KCND3: variants seen among roughly 807,000 people sequenced by gnomAD.
The protein encoded by KCND3 is potassium voltage-gated channel subfamily D member 3.
Under a neutral mutation model 51.1 loss-of-function variants are expected in KCND3, and 9 were observed. The ratio of observed to expected loss-of-function variants is 0.18; its 90% CI spans 0.11 to 0.31. The LOEUF is 0.31. Ranked by LOEUF, KCND3 falls within the 10% of genes least tolerant of loss-of-function variation. KCND3 has a pLI of 1.00. For missense variants in KCND3, 526 were observed against 903.8 expected (o/e 0.58, Z 5.36); for synonymous variants, 349 against 368.0 (o/e 0.95, Z 0.59).
intron 2 of KCND3, among the ~76,000 whole-genome samples, chr1:111,916,472 G>C (rs550368559): frequency 5.3e-5 from 8 of 152,092 alleles, no homozygotes; most frequent in Non-Finnish European, 8.8e-5. Flanking sequence ...AAATAAACAA[G>C]TCTCAAATCA....
intron 2 of KCND3, among the ~76,000 whole-genome samples, chr1:111,866,027 T>C (rs1405132940): frequency 1.3e-5 from 2 of 152,072 alleles, no homozygotes; most frequent in African/African-American, 2.4e-5. Flanking sequence ...ATGTTTTCAA[T>C]TGAAAAAATT....
In KCND3 at chr1:111,982,550, C is replaced by T. The variant is rs773484623; in HGVS notation, c.177G>A (p.Glu59=). The T allele has an allele frequency of 6.2e-7, 1 of 1,610,144 alleles. No individual in the cohort carries two copies. The highest frequency in any genetic ancestry group is 8.5e-7 in the Non-Finnish European group (1 of 1,176,878). Residue 59 remains glutamate (E), a synonymous_variant, in exon 2 of 8, where the codon GAG becomes GAA. Coordinates refer to ENST00000302127, the MANE Select transcript of KCND3 (RefSeq NM_001378969.1). The surrounding 1 kb of genome is among the most constrained non-coding windows in gnomAD (Gnocchi z 8.5). Reference sequence around the variant, plus strand: ...TGCCCAGCAGGGTGTCCGGGTAGCGCTCCAGCGTGGTCCTCCAGGTCTGGA... The same window carrying T: ...TGCCCAGCAGGGTGTCCGGGTAGCGTTCCAGCGTGGTCCTCCAGGTCTGGA... ...RRFQTWRTTL[E]RYPDTLLGST... is the part of the protein sequence containing the mutation.
Position 111,783,199 on chromosome 1 carries a change from CAAAAA to C in KCND3, c.1270-2413_1270-2409del, listed in dbSNP as rs67241053. On this transcript the variant is annotated intron_variant, in intron 3 of 7. Transcript: ENST00000302127. ...GAGATCATCCAGACCAATTCAAAGA[CAAAAA>C]AAAAAAAAAAAAAAAAGGAGGATGT... Among the ~76,000 whole-genome samples, 28 of 72,338 alleles carry C rather than the reference CAAAAA, an allele frequency of 3.9e-4. No individual in the cohort carries two copies. The East Asian group carries it at 5.9e-3, about 15-fold the overall frequency. The allele number at this position is 72,338 out of a possible 152,430, so 47.5% of individuals were successfully genotyped here. A position where few individuals can be genotyped will look rare whatever the true frequency, so the allele number is the denominator to read the frequency against.
intron 2 of KCND3, among the ~76,000 whole-genome samples, chr1:111,902,018 G>T (rs1404271482): frequency 6.6e-6 from 1 of 152,152 alleles, no homozygotes; most frequent in South Asian, 2.1e-4. Flanking sequence ...CGTGCTCAGC[G>T]GTTTACTTAC....
In KCND3 at chr1:111,776,346, C is replaced by G. The variant is rs1237150705; in HGVS notation, c.1767-68G>C. 1.0e-5 allele frequency: 15 copies of G among 1,460,996 alleles called. No individual in the cohort carries two copies. In the Admixed American group the frequency reaches 1.7e-4, roughly 17 times the overall value. 90.5% of individuals were successfully genotyped at this position (1,460,996 alleles called of 1,614,324 possible). A position where few individuals can be genotyped will look rare whatever the true frequency, so the allele number is the denominator to read the frequency against. The stretch of plus-strand genomic sequence containing the variant: ...AGCGTCCCAAAGCTTCCTTGACCCC[C>G]TACATTTCTTGCTCGTGGTAACTAG... On this transcript the variant is annotated intron_variant, in intron 7 of 7. Coordinates refer to ENST00000302127, the MANE Select transcript of KCND3 (RefSeq NM_001378969.1).
chr1:111,799,395 C>A (rs1458932857), intron 2 of KCND3, among the ~76,000 whole-genome samples: 1 of 152,154 alleles, frequency 6.6e-6, no homozygotes, highest in Non-Finnish European at 1.5e-5. Flanking sequence ...AATCACAATG[C>A]AGATGTGAAA....
At chr1:111,899,293 G>A (rs1378311338) in intron 2 of KCND3, among the ~76,000 whole-genome samples, 1 of 152,198 alleles carries the variant, frequency 6.6e-6, no homozygotes, top group Non-Finnish European at 1.5e-5. Context: ...AAACAATGAA[G>A]GTAAAGCACC....
chr1:111,796,988 T>C (rs1352199310), intron 2 of KCND3, among the ~76,000 whole-genome samples: 1 of 152,226 alleles, frequency 6.6e-6, no homozygotes, highest in East Asian at 1.9e-4. Flanking sequence ...AATAATCTTG[T>C]CTTGCCACCT....
intron 2 of KCND3, among the ~76,000 whole-genome samples, chr1:111,822,393 C>T (rs1465349348): frequency 6.6e-6 from 1 of 152,110 alleles, no homozygotes; most frequent in Non-Finnish European, 1.5e-5. Context: ...CGCCGGTAAC[C>T]ATAATTCCAC....
At chr1:111,843,906 T>C (rs1001778454) in intron 2 of KCND3, among the ~76,000 whole-genome samples, 15 of 152,210 alleles carry the variant, frequency 9.9e-5, no homozygotes, top group Admixed American at 6.5e-4. Context: ...GCAGGTTTTA[T>C]GTTCTCTGGG....
At chr1:111,980,208 G>GTGTGTGTGTGTC (rs1674870390) in intron 2 of KCND3, among the ~76,000 whole-genome samples, 2 of 150,518 alleles carry the variant, frequency 1.3e-5, no homozygotes, top group African/African-American at 4.9e-5. Context: ...TGAAGAGTGT[G>GTGTGTGTGTGTC]TGTGTGTGTG....
intron 2 of KCND3, among the ~76,000 whole-genome samples, chr1:111,949,397 T>G (rs1277115009): frequency 1.3e-5 from 2 of 152,110 alleles, no homozygotes; most frequent in Non-Finnish European, 2.9e-5. Context: ...GGCTGGATGC[T>G]GGCACTGGGG....
chr1:111,971,697 G>A (rs1674339792), intron 2 of KCND3, among the ~76,000 whole-genome samples: 1 of 152,126 alleles, frequency 6.6e-6, no homozygotes, highest in Non-Finnish European at 1.5e-5. Context: ...AGGGTTAACT[G>A]CAAACACTAC....
intron 2 of KCND3, among the ~76,000 whole-genome samples, chr1:111,865,772 A>G (rs1181795461): frequency 6.6e-6 from 1 of 152,142 alleles, no homozygotes; most frequent in Non-Finnish European, 1.5e-5. Context: ...TGGTGTGATC[A>G]TGGCTCCCTG....
At chr1:111,887,625 G>C (rs1033187629) in intron 2 of KCND3, among the ~76,000 whole-genome samples, 2 of 152,318 alleles carry the variant, frequency 1.3e-5, no homozygotes, top group Admixed American at 6.5e-5. Flanking sequence ...AGTGGAGAAA[G>C]GAAGAGCCAG....
At position 111,775,818 on chromosome 1, in the gene KCND3, G is replaced by GC. The variant is rs1664076589; in HGVS notation, c.*258_*259insG. 8.0e-4 allele frequency: 81 copies of GC among 100,810 alleles called. 3 individuals are homozygous for GC. The highest frequency in any genetic ancestry group is 1.7e-3 in the South Asian group (14 of 8,094). The allele number at this position is 100,810 out of a possible 1,614,324, so 6.2% of individuals were successfully genotyped here. A position where few individuals can be genotyped will look rare whatever the true frequency, so the allele number is the denominator to read the frequency against. On this transcript the variant is annotated 3_prime_UTR_variant, in exon 8 of 8. Transcript: ENST00000302127. ...AGCCTATATCCCCCGGCCTATCCCC[G>GC]ACCCCCCCACCCTCCCTCCCTTCCT...
chr1:111,986,376 A>C (rs1214203198), intron 1 of KCND3, among the ~76,000 whole-genome samples: 2 of 152,350 alleles, frequency 1.3e-5, no homozygotes, highest in East Asian at 3.9e-4. Flanking sequence ...ACAATTTTCA[A>C]ACAGACCATT....
intron 2 of KCND3, among the ~76,000 whole-genome samples, chr1:111,920,211 TG>T (rs1157455031): frequency 6.6e-6 from 1 of 152,140 alleles, no homozygotes; most frequent in Non-Finnish European, 1.5e-5. Context: ...CACAATCAAC[TG>T]GGCAGAAGCA....
chr1:111,819,680 A>G (rs1666260042), intron 2 of KCND3, among the ~76,000 whole-genome samples: 2 of 152,128 alleles, frequency 1.3e-5, no homozygotes, highest in Admixed American at 1.3e-4. Context: ...CACCTGCAAG[A>G]CGCCCTGTGA....
Sources: gnomAD v4.1 joint callset for allele counts (sites outside exome capture counted in the v4.1 genomes callset) on GRCh38, gnomAD v4.1.1 for gene constraint, Gnocchi (gnomAD v3.1) non-coding constraint, MANE v1.5 for transcripts, NCBI Gene and HGNC (gene_info 2026-07-23, HGNC 2026-07-21) for gene names.